STAG1: variants seen among roughly 807,000 people sequenced by gnomAD.
The protein encoded by STAG1 is STAG1 cohesin complex component.
In STAG1, 26 loss-of-function variants were observed where a neutral mutation model predicts 170.9. That is an observed-to-expected ratio of 0.15 (90% CI 0.11 to 0.21). STAG1 has a LOEUF of 0.21. STAG1 is among the 10% of genes least tolerant of loss of function. STAG1 has a pLI of 1.00. For synonymous variants in STAG1, 514 were observed against 497.7 expected (o/e 1.03, Z -0.44); for missense variants, 964 against 1,509.5 (o/e 0.64, Z 5.99).
At chr3:136,622,189 G>A (rs1239461971) in intron 3 of STAG1, among the ~76,000 whole-genome samples, 1 of 150,570 alleles carries the variant, frequency 6.6e-6, no homozygotes, top group East Asian at 1.9e-4. Flanking sequence ...GCATGATGGT[G>A]AGGGCCTATA....
chr3:136,708,765 CT>C (rs1156254931), intron 1 of STAG1, among the ~76,000 whole-genome samples: 1 of 152,074 alleles, frequency 6.6e-6, no homozygotes, highest in African/African-American at 2.4e-5. Flanking sequence ...AGTTTCACCC[CT>C]CCCATCCCAT....
intron 3 of STAG1, among the ~76,000 whole-genome samples, chr3:136,607,237 G>C (rs1221794731): frequency 1.3e-5 from 2 of 151,904 alleles, no homozygotes; most frequent in African/African-American, 4.8e-5. Flanking sequence ...ACATTTAAGG[G>C]GTAGGAAGTT....
chr3:136,595,365 T>C (rs1176923393), intron 4 of STAG1, among the ~76,000 whole-genome samples: 1 of 152,136 alleles, frequency 6.6e-6, no homozygotes, highest in Non-Finnish European at 1.5e-5. Flanking sequence ...TCATCTTTCC[T>C]AATCATTCCA....
At chr3:136,448,953 A>G (rs143630955) in intron 14 of STAG1, among the ~76,000 whole-genome samples, 6 of 152,134 alleles carry the variant, frequency 3.9e-5, no homozygotes, top group African/African-American at 9.6e-5. Context: ...CTACTCTATT[A>G]TTTCTAAAGT....
At chr3:136,693,633 G>C (rs565670465) in intron 1 of STAG1, among the ~76,000 whole-genome samples, 1 of 152,050 alleles carries the variant, frequency 6.6e-6, no homozygotes, top group East Asian at 1.9e-4. Context: ...CTGGAGGTAC[G>C]TTCACCACTC....
intron 6 of STAG1, among the ~76,000 whole-genome samples, chr3:136,524,822 C>G (rs1025363881): frequency 6.6e-6 from 1 of 152,168 alleles, no homozygotes; most frequent in Non-Finnish European, 1.5e-5. Flanking sequence ...TGAATTTTGT[C>G]AAAGGCCTTT....
At chr3:136,599,517 C>A (rs1032154439) in intron 4 of STAG1, among the ~76,000 whole-genome samples, 6 of 152,126 alleles carry the variant, frequency 3.9e-5, no homozygotes, top group Middle Eastern at 3.4e-3. Context: ...GGTGACAGAG[C>A]GAGACTCTGT....
At chr3:136,731,829 A>C (rs1207241699) in intron 1 of STAG1, among the ~76,000 whole-genome samples, 5 of 152,208 alleles carry the variant, frequency 3.3e-5, no homozygotes, top group Non-Finnish European at 7.3e-5. Context: ...AGAAACTATA[A>C]GTGCTATCTA....
intron 26 of STAG1, among the ~76,000 whole-genome samples, chr3:136,361,802 G>T (rs1936872412): frequency 1.3e-5 from 2 of 152,024 alleles, no homozygotes; most frequent in Admixed American, 1.3e-4. Flanking sequence ...TTTGGAGACG[G>T]GGTCTTGCCA....
chr3:136,404,508 A>G (rs2087422635), intron 21 of STAG1, among the ~76,000 whole-genome samples: 1 of 152,128 alleles, frequency 6.6e-6, no homozygotes, highest in Non-Finnish European at 1.5e-5. Flanking sequence ...ACTCCCCCTA[A>G]TGATACTTTA....
At chr3:136,570,544 C>T (rs527660714) in intron 4 of STAG1, among the ~76,000 whole-genome samples, 4 of 152,274 alleles carry the variant, frequency 2.6e-5, no homozygotes, top group Admixed American at 2.6e-4. Flanking sequence ...TATTACAGAA[C>T]CAAGAGCAGA....
intron 1 of STAG1, among the ~76,000 whole-genome samples, chr3:136,750,870 G>C (rs1164747406): frequency 6.6e-6 from 1 of 152,108 alleles, no homozygotes; most frequent in Non-Finnish European, 1.5e-5. Context: ...ATTAGAACAA[G>C]GTACGTTACA....
intron 14 of STAG1, among the ~76,000 whole-genome samples, chr3:136,448,241 C>A (rs1266813785): frequency 2.6e-5 from 4 of 152,152 alleles, no homozygotes; most frequent in South Asian, 2.1e-4. Context: ...AAAAAATAAT[C>A]AGTTCAGTTA....
chr3:136,357,701 C>G lies in STAG1; in HGVS notation c.3065+19G>C. On this transcript the variant is annotated intron_variant, in intron 28 of 33. Transcript: ENST00000383202. ...CAGTATTATTATAAAAACCACTTCT[C>G]TTGTAATGTGCAACTTACACTGTCT... 6.4e-7 allele frequency: 1 copy of G among 1,569,266 alleles called. No homozygotes were observed. The highest frequency in any genetic ancestry group is 8.6e-7 in the Non-Finnish European group (1 of 1,166,500).
intron 9 of STAG1, among the ~76,000 whole-genome samples, chr3:136,491,888 A>C (rs2090131329): frequency 7.4e-6 from 1 of 134,808 alleles, no homozygotes; most frequent in Non-Finnish European, 1.6e-5. Flanking sequence ...GCTACTCAGG[A>C]GGCTGAGGCA....
At chr3:136,741,692 T>C (rs1490510060) in intron 1 of STAG1, among the ~76,000 whole-genome samples, 1 of 152,200 alleles carries the variant, frequency 6.6e-6, no homozygotes, top group Non-Finnish European at 1.5e-5. Flanking sequence ...GGTCTTGAAC[T>C]CTTGACCTCA....
chr3:136,585,283 A>T (rs1458441850), intron 4 of STAG1, among the ~76,000 whole-genome samples: 1 of 152,170 alleles, frequency 6.6e-6, no homozygotes, highest in Admixed American at 6.5e-5. Flanking sequence ...CTCTGCTAAA[A>T]TTACAAAAAT....
intron 13 of STAG1, among the ~76,000 whole-genome samples, chr3:136,463,074 G>C (rs1404269580): frequency 6.6e-6 from 1 of 152,154 alleles, no homozygotes; most frequent in Non-Finnish European, 1.5e-5. Context: ...GTACATTCTT[G>C]GTATCAGTGA....
chr3:136,601,699 T>C (rs1248219536), intron 4 of STAG1, among the ~76,000 whole-genome samples: 1 of 152,014 alleles, frequency 6.6e-6, no homozygotes, highest in African/African-American at 2.4e-5. Context: ...TAGCTAGACG[T>C]GGTGGCAGGC....
Sources: gnomAD v4.1 joint callset for allele counts (sites outside exome capture counted in the v4.1 genomes callset) on GRCh38, gnomAD v4.1.1 for gene constraint, MANE v1.5 for transcripts, NCBI Gene and HGNC (gene_info 2026-07-23, HGNC 2026-07-21) for gene names.